The following TRIM2 variants were observed in gnomAD, a reference collection of about 807,000 sequenced individuals.
The protein encoded by TRIM2 is tripartite motif-containing protein 2.
In TRIM2, 20 loss-of-function variants were observed where a neutral mutation model predicts 75.2. The ratio of observed to expected loss-of-function variants is 0.27; its 90% CI spans 0.19 to 0.39. TRIM2 has a LOEUF of 0.39. TRIM2 is among the 10% of genes least tolerant of loss of function. TRIM2 has a pLI of 1.00. For missense variants in TRIM2, 660 were observed against 990.8 expected (o/e 0.67, Z 4.48); for synonymous variants, 373 against 388.3 (o/e 0.96, Z 0.46).
intron 1 of TRIM2, among the ~76,000 whole-genome samples, chr4:153,157,989 G>A (rs923073615): frequency 5.9e-5 from 9 of 152,212 alleles, no homozygotes; most frequent in Middle Eastern, 3.2e-3. Context: ...GGTTCCCTAT[G>A]GAGAATTTTG....
At chr4:153,167,271 A>G (rs543089316) in intron 1 of TRIM2, among the ~76,000 whole-genome samples, 3 of 152,378 alleles carry the variant, frequency 2.0e-5, no homozygotes, top group African/African-American at 4.8e-5. Context: ...AACCAAACCA[A>G]TGAAAGCACA....
chr4:153,179,505 A>G (rs1297892349), intron 1 of TRIM2, among the ~76,000 whole-genome samples: 3 of 152,062 alleles, frequency 2.0e-5, no homozygotes, highest in Non-Finnish European at 2.9e-5. Context: ...TCACTCCTGC[A>G]AGTAGGAGCC....
chr4:153,170,590 G>A (rs1445696701), intron 1 of TRIM2, among the ~76,000 whole-genome samples: 2 of 152,138 alleles, frequency 1.3e-5, no homozygotes, highest in Non-Finnish European at 2.9e-5. Context: ...CTTTTTGAAT[G>A]CTGAGCACAT....
intron 1 of TRIM2, among the ~76,000 whole-genome samples, chr4:153,155,631 C>T (rs1729162628): frequency 6.6e-6 from 1 of 152,162 alleles, no homozygotes; most frequent in Non-Finnish European, 1.5e-5. Flanking sequence ...AAATTAACCA[C>T]CAAGAGGCGT....
rs1772723409 is a variant in TRIM2, at chr4:153,338,593, C to G, written c.*3627C>G. On this transcript the variant is annotated 3_prime_UTR_variant, in exon 12 of 12. Coordinates refer to ENST00000338700, the MANE Select transcript of TRIM2 (RefSeq NM_015271.5). Reference sequence around the variant, plus strand: ...TATTGCCATAAAGGAAACTAAGTGCCCATCAAAGATTTGTTTGGTATAAAT... The same window carrying G: ...TATTGCCATAAAGGAAACTAAGTGCGCATCAAAGATTTGTTTGGTATAAAT... The G allele has an allele frequency of 1.0e-6, 1 of 984,294 alleles. No homozygotes were observed. The highest frequency in any genetic ancestry group is 6.2e-5 in the Admixed American group (1 of 16,178). The allele number at this position is 984,294 out of a possible 1,614,324, so 61.0% of individuals were successfully genotyped here. A position where few individuals can be genotyped will look rare whatever the true frequency, so the allele number is the denominator to read the frequency against.
intron 1 of TRIM2, among the ~76,000 whole-genome samples, chr4:153,244,566 T>A (rs56101394): frequency 0.14 from 21,085 of 150,900 alleles, 2,142 homozygotes; most frequent in African/African-American, 0.29. Context: ...TAGCAACACA[T>A]AGTTTTTTGA....
At chr4:153,152,934 C>T (rs376056736), upstream of TRIM2, among the ~76,000 whole-genome samples, 58 of 152,328 alleles carry the variant, frequency 3.8e-4, no homozygotes, top group African/African-American at 1.3e-3. Context: ...GGCATTTGCA[C>T]CTTTTCATGG....
At chr4:153,257,881 TAGCTGTA>T (rs1161891649) in intron 1 of TRIM2, 1 of 313,658 alleles carries the variant, frequency 3.2e-6, no homozygotes, top group Non-Finnish European at 6.3e-6. Flanking sequence ...GCATCCTCTG[TAGCTGTA>T]AAATGCAGAC....
At chr4:153,333,361 G>T (rs1282519636) in intron 11 of TRIM2, among the ~76,000 whole-genome samples, 1 of 152,214 alleles carries the variant, frequency 6.6e-6, no homozygotes, top group African/African-American at 2.4e-5. Context: ...AGATCTTTAT[G>T]TTGATGGGAT....
rs376311750 is a variant in TRIM2 at position 153,204,557 on chromosome 4, G to T, written c.27G>T (p.Thr9=). The change falls in exon 1 of 12, where the codon ACG becomes ACT. Residue 9 remains threonine (T), a synonymous_variant. Transcript: ENST00000338700. MHRSGRYG[T]QQQRAGSKTA... is the part of the protein sequence containing the mutation. ...TGCACAGGAGTGGCCGTTATGGAACGCAGGTAAGGACGCTTCTCAATGTGG... is the reference window on the plus strand; with the variant it reads ...TGCACAGGAGTGGCCGTTATGGAACTCAGGTAAGGACGCTTCTCAATGTGG... 2 of 1,551,736 alleles carry T rather than the reference G, an allele frequency of 1.3e-6. No homozygotes were observed.
chr4:153,184,352 G>C (rs536532002), intron 1 of TRIM2, among the ~76,000 whole-genome samples: 1 of 152,196 alleles, frequency 6.6e-6, no homozygotes, highest in Non-Finnish European at 1.5e-5. Flanking sequence ...CACGTGGAGA[G>C]AGAGAGAACA....
At chr4:153,274,539 C>T (rs1489470115) in intron 2 of TRIM2, among the ~76,000 whole-genome samples, 1 of 152,162 alleles carries the variant, frequency 6.6e-6, no homozygotes, top group Non-Finnish European at 1.5e-5. Context: ...GTTAATGAGG[C>T]TCAAAGGAGA....
chr4:153,315,604 A>G lies in TRIM2; in HGVS notation c.1614+16A>G. On this transcript the variant is annotated intron_variant, in intron 7 of 11. Transcript: ENST00000338700. ...ATGTGTGCAGGTATAGCCCCTAATT[A>G]TATACCTTTAACTACTTATATTGAT... The G allele has an allele frequency of 1.9e-6, 3 of 1,569,840 alleles. No individual in the cohort carries two copies. Among genetic ancestry groups the G allele is most frequent in the Non-Finnish European group, 2.6e-6 (3 of 1,153,312 alleles).
At chr4:153,165,319 CTTTTTAG>C (rs1354984676) in intron 1 of TRIM2, among the ~76,000 whole-genome samples, 1 of 152,064 alleles carries the variant, frequency 6.6e-6, no homozygotes, top group Non-Finnish European at 1.5e-5. Context: ...GAGCCCCTTG[CTTTTTAG>C]TTTTTAAATT....
In TRIM2 at chr4:153,336,798, G is replaced by C; in HGVS notation, c.*1832G>C. On this transcript the variant is annotated 3_prime_UTR_variant, in exon 12 of 12. Transcript: ENST00000338700. Reference sequence around the variant, plus strand: ...ATGCCCAAATCAACCTCTGAAAAAAGGTTTTTCCAGGAAGATTTACATTTA... The same window carrying C: ...ATGCCCAAATCAACCTCTGAAAAAACGTTTTTCCAGGAAGATTTACATTTA... The C allele has an allele frequency of 3.0e-6, 3 of 985,404 alleles. No individual in the cohort carries two copies. Among genetic ancestry groups the C allele is most frequent in the Non-Finnish European group, 3.6e-6 (3 of 829,662 alleles). The allele number at this position is 985,404 out of a possible 1,614,324, so 61.0% of individuals were successfully genotyped here.
intron 1 of TRIM2, among the ~76,000 whole-genome samples, chr4:153,180,323 G>A (rs944031152): frequency 2.6e-5 from 4 of 152,096 alleles, no homozygotes; most frequent in African/African-American, 9.7e-5. Context: ...ATACTCCTAG[G>A]TGTTAGTATT....
At chr4:153,196,091 T>C (rs1291534321) in intron 1 of TRIM2, among the ~76,000 whole-genome samples, 1 of 152,216 alleles carries the variant, frequency 6.6e-6, no homozygotes, top group African/African-American at 2.4e-5. Flanking sequence ...ATTACAGGCG[T>C]GAGCCACTGT....
rs1762570784 is a variant in TRIM2, at chr4:153,295,390, C to T, written c.864C>T (p.Ala288=). The T allele has an allele frequency of 6.2e-7, 1 of 1,614,078 alleles. No homozygotes were observed. The highest frequency in any genetic ancestry group is 1.1e-5 in the South Asian group (1 of 91,054). Reference sequence around the variant, plus strand: ...GCTGCAGCAACTTCACAGCGCAGGCCCTCAACCATGGCACGGAGACCGAGG... The same window carrying T: ...GCTGCAGCAACTTCACAGCGCAGGCTCTCAACCATGGCACGGAGACCGAGG... ...IKSCSNFTAQ[A]LNHGTETEVL... is the part of the protein sequence containing the mutation. Residue 288 remains alanine (A), a synonymous_variant, in exon 6 of 12, where the codon GCC becomes GCT. Coordinates refer to ENST00000338700, the MANE Select transcript of TRIM2 (RefSeq NM_015271.5). The surrounding 1 kb of genome is among the most constrained non-coding windows in gnomAD (Gnocchi z 7.2).
At chr4:153,281,589 C>CCA (rs1461399710) in intron 3 of TRIM2, among the ~76,000 whole-genome samples, 1 of 152,138 alleles carries the variant, frequency 6.6e-6, no homozygotes, top group African/African-American at 2.4e-5. Flanking sequence ...TAAAAACAAT[C>CCA]CAAGCATCTG....
Sources: allele counts gnomAD v4.1 joint callset (sites outside exome capture counted in the v4.1 genomes callset), GRCh38; gene constraint gnomAD v4.1.1; non-coding constraint Gnocchi (gnomAD v3.1); transcripts MANE v1.5; gene names NCBI Gene and HGNC (gene_info 2026-07-23, HGNC 2026-07-21).